Variants in HHLA1 observed in about 807,000 individuals in gnomAD.
The protein encoded by HHLA1 is HHLA1 neighbor of OC90.
HHLA1 carries 72 observed loss-of-function variants against 69.9 expected under a neutral mutation model. The observed-to-expected ratio is 1.03, with a 90% CI of 0.85 to 1.25. The LOEUF is 1.25. Among genes scored for constraint, HHLA1 ranks in the 50% most tolerant of loss-of-function variants. The pLI is 0.00. For missense variants in HHLA1, 685 were observed against 642.2 expected (o/e 1.07, Z -0.72); for synonymous variants, 252 against 233.2 (o/e 1.08, Z -0.73).
At chr8:132,088,999 GTTGTTGGA>G (rs1377078437) in intron 8 of HHLA1, among the ~76,000 whole-genome samples, 1 of 152,182 alleles carries the variant, frequency 6.6e-6, no homozygotes, top group African/African-American at 2.4e-5. Flanking sequence ...GCTGAGACCA[GTTGTTGGA>G]CTGTTGAATA....
chr8:132,110,369 G>T (rs1386517906), intron 1 of HHLA1, among the ~76,000 whole-genome samples: 1 of 152,214 alleles, frequency 6.6e-6, no homozygotes, highest in Non-Finnish European at 1.5e-5. Flanking sequence ...GCTGGCAGGG[G>T]CAGCCCTGGA....
intron 7 of HHLA1, among the ~76,000 whole-genome samples, chr8:132,094,666 C>T (rs1342054248): frequency 1.1e-4 from 17 of 152,316 alleles, no homozygotes; most frequent in East Asian, 3.9e-4. Context: ...CTTTTCCCTC[C>T]GGCTTTCCCC....
Position 132,097,821 on chromosome 8 carries a change from A to G in HHLA1, c.280+1061T>C, listed in dbSNP as rs1824048492. On this transcript the variant is annotated intron_variant, in intron 5 of 16. Coordinates refer to ENST00000414222, the MANE Select transcript of HHLA1 (RefSeq NM_001145095.3). ...AACAGGCATTGGGACAGGGATGGAT[A>G]ATAATGTTGATGGGTCAATGTCTAA... 2.0e-5 allele frequency among the ~76,000 whole-genome samples: 3 copies of G among 152,220 alleles called. No homozygotes were observed. In the South Asian group the frequency reaches 6.2e-4, roughly 32 times the overall value.
intron 14 of HHLA1, among the ~76,000 whole-genome samples, chr8:132,071,741 A>G (rs559796464): frequency 1.2e-4 from 18 of 152,294 alleles, no homozygotes; most frequent in African/African-American, 4.3e-4. Context: ...AGAAGCAAAT[A>G]TTAAACAGAG....
intron 3 of HHLA1, among the ~76,000 whole-genome samples, 193 bp from the exon 4 acceptor site, chr8:132,100,327 GGCCTAGAAAT>G (rs1440333528): frequency 3.9e-5 from 6 of 152,090 alleles, no homozygotes; most frequent in African/African-American, 1.4e-4. Context: ...GGGTGGCTGT[GGCCTAGAAAT>G]GCACATTTTA....
chr8:132,077,621 T>C (rs1823666516), intron 12 of HHLA1, 105 bp downstream of exon 12: 1 of 1,143,188 alleles, frequency 8.7e-7, no homozygotes, highest in African/African-American at 1.6e-5. Context: ...TTTTCTTAGT[T>C]TTCTGTGTGT....
In HHLA1 at chr8:132,101,977, A is replaced by G. The variant is rs146691208; in HGVS notation, c.140-1843T>C. ...TCATCTTGTGTAACCGAAATTTCAT[A>G]CTCATTGAACAACGAACTTCCCATT... On this transcript the variant is annotated intron_variant, in intron 3 of 16. Coordinates refer to ENST00000414222, the MANE Select transcript of HHLA1 (RefSeq NM_001145095.3). Among the ~76,000 whole-genome samples, 962 of 152,274 alleles carry G rather than the reference A, an allele frequency of 6.3e-3. 14 individuals are homozygous for G. Among genetic ancestry groups the G allele is most frequent in the African/African-American group, 0.022 (916 of 41,558 alleles).
chr8:132,071,001 C>T (rs373007972), intron 15 of HHLA1, among the ~76,000 whole-genome samples: 5 of 152,244 alleles, frequency 3.3e-5, no homozygotes, highest in African/African-American at 1.2e-4. Flanking sequence ...CTCAACTCAA[C>T]ACAACTCAAC....
Position 132,087,860 on chromosome 8 carries a change from TCA to T in HHLA1, c.572_573del (p.Val191AspfsTer11), listed in dbSNP as rs751944058. On this transcript the variant is annotated frameshift_variant, in exon 9 of 17. Coordinates refer to ENST00000414222, the MANE Select transcript of HHLA1 (RefSeq NM_001145095.3). LOFTEE classifies it high-confidence loss of function. Reference protein sequence around the residue: ...SNESDCIFICVMTGKSGRNLS... With the variant: ...SNESDCIFICXMTGKSGRNLS... ...AGTGGTTTACCTGACTTTCCTGTCA[TCA>T]CACAGATGAAGATGCAATCTGATTC... is the stretch of plus-strand genomic sequence containing the variant. 1 of 1,551,670 alleles carries T rather than the reference TCA, an allele frequency of 6.4e-7. No homozygotes were observed. Among genetic ancestry groups the T allele is most frequent in the South Asian group, 1.2e-5 (1 of 84,048 alleles).
At chr8:132,093,115 T>C (rs771506390) in intron 7 of HHLA1, among the ~76,000 whole-genome samples, 3 of 152,116 alleles carry the variant, frequency 2.0e-5, no homozygotes, top group Non-Finnish European at 4.4e-5. Flanking sequence ...CACTGATGGG[T>C]AGATATTAGC....
intron 16 of HHLA1, among the ~76,000 whole-genome samples, 188 bp from the exon 17 acceptor site, chr8:132,064,226 A>T (rs1398539191): frequency 1.3e-5 from 2 of 152,184 alleles, no homozygotes; most frequent in South Asian, 2.1e-4. Flanking sequence ...GCAAGACCCC[A>T]TTGCTAGTTA....
At chr8:132,086,584 G>A (rs1342250549) in intron 10 of HHLA1, among the ~76,000 whole-genome samples, 1 of 152,182 alleles carries the variant, frequency 6.6e-6, no homozygotes, top group Non-Finnish European at 1.5e-5. Context: ...TGTTGAAGGA[G>A]CACAAAGTGG....
intron 15 of HHLA1, among the ~76,000 whole-genome samples, chr8:132,067,573 T>A (rs1439567648): frequency 6.6e-6 from 1 of 152,034 alleles, no homozygotes; most frequent in Non-Finnish European, 1.5e-5. Flanking sequence ...AGCTACAACA[T>A]GTCAAGGGTG....
intron 10 of HHLA1, 80 bp from the exon 11 acceptor site, chr8:132,080,046 A>T (rs990339017): frequency 1.3e-6 from 2 of 1,489,228 alleles, no homozygotes; most frequent in Non-Finnish European, 1.8e-6. Flanking sequence ...CTGGACTGCA[A>T]ATATATGAAT....
chr8:132,104,001 A>G (rs192475028), intron 3 of HHLA1, 107 bp downstream of exon 3: 2 of 734,336 alleles, frequency 2.7e-6, no homozygotes, highest in Admixed American at 4.2e-5. Context: ...AGAGTGTTAG[A>G]TGCGGATATA....
rs966524145 is a variant in HHLA1 at position 132,095,564 on chromosome 8, T to G, written c.403A>C (p.Thr135Pro). Residue 135 changes from threonine to proline, a missense_variant, in exon 7 of 17, where the codon ACA (threonine) becomes CCA (proline). Thr to Pro is a conservative substitution (Grantham distance 38). Transcript: ENST00000414222. ...TTGTTTAAACAGTAGCAATACCTTG[T>G]GGGGAATTTGGCGGGGTCTACTGTC... ...LKTVDPAKFP[T>P]RYCYCLNNRT... is the part of the protein sequence containing the mutation. 3.2e-6 allele frequency: 5 copies of G among 1,550,396 alleles called. No individual in the cohort carries two copies. Among genetic ancestry groups the G allele is most frequent in the Non-Finnish European group, 4.4e-6 (5 of 1,145,770 alleles).
intron 2 of HHLA1, 79 bp downstream of exon 2, chr8:132,105,108 G>A: frequency 2.9e-6 from 3 of 1,049,676 alleles, no homozygotes; most frequent in Non-Finnish European, 4.3e-6. Context: ...AATGTTGGCT[G>A]CTGAGGTTCT....
At chr8:132,093,839 A>AT (rs1422043012) in intron 7 of HHLA1, among the ~76,000 whole-genome samples, 6 of 152,252 alleles carry the variant, frequency 3.9e-5, no homozygotes, top group Admixed American at 3.9e-4. Context: ...ATTATGAAGA[A>AT]TTTTTTTCCT....
In HHLA1 at chr8:132,107,536, A is replaced by G. The variant is rs146757785; in HGVS notation, c.-21-2250T>C. 3.3e-3 allele frequency among the ~76,000 whole-genome samples: 495 copies of G among 152,178 alleles called. 2 individuals are homozygous for G. The highest frequency in any genetic ancestry group is 6.1e-3 in the Non-Finnish European group (414 of 67,986). On this transcript the variant is annotated intron_variant, in intron 1 of 16. Transcript: ENST00000414222. ...GGCTGGTCTCGACTCCCGACCTCAG[A>G]TGACCTACCTGCCTCAGCCTCCCAA...
Sources: gnomAD v4.1 joint callset for allele counts (sites outside exome capture counted in the v4.1 genomes callset) on GRCh38, gnomAD v4.1.1 for gene constraint, MANE v1.5 for transcripts, NCBI Gene and HGNC (gene_info 2026-07-23, HGNC 2026-07-21) for gene names.